ZNF565: variants seen among roughly 807,000 people sequenced by gnomAD.
ZNF565 encodes zinc finger protein 565.
In ZNF565, 27 loss-of-function variants were observed where a neutral mutation model predicts 39.4. The ratio of observed to expected loss-of-function variants is 0.69; its 90% CI spans 0.51 to 0.95. The LOEUF is 0.95. Ranked by LOEUF, ZNF565 falls within the 40% of genes least tolerant of loss-of-function variation. ZNF565 has a pLI of 0.00. For synonymous variants in ZNF565, 185 were observed against 216.6 expected, an observed-to-expected ratio of 0.85 and a Z score of 1.28; for missense variants, 524 against 621.1, an observed-to-expected ratio of 0.84 and a Z score of 1.66.
chr19:36,205,735 G>A (rs1976128006), intron 1 of ZNF565, among the ~76,000 whole-genome samples: 1 of 151,964 alleles, frequency 6.6e-6, no homozygotes, highest in Non-Finnish European at 1.5e-5. Flanking sequence ...GCACGAAGAG[G>A]GCCTGACCCA....
intron 3 of ZNF565, chr19:36,194,606 G>C: frequency 2.1e-6 from 1 of 473,444 alleles, no homozygotes; most frequent in East Asian, 3.8e-5. Context: ...ATTATGTGGA[G>C]TAAATGTGTG....
At chr19:36,234,087 CTT>C (rs1243766252) in intron 1 of ZNF565, among the ~76,000 whole-genome samples, 1 of 152,180 alleles carries the variant, frequency 6.6e-6, no homozygotes, top group East Asian at 1.9e-4. Flanking sequence ...GGTGATGACT[CTT>C]AAGGAGCATG....
upstream of ZNF565, among the ~76,000 whole-genome samples, chr19:36,215,492 A>G (rs1411355931): frequency 6.6e-6 from 1 of 152,100 alleles, no homozygotes; most frequent in Non-Finnish European, 1.5e-5. Flanking sequence ...TTTGAGCTGC[A>G]CTTCCCTTGT....
chr19:36,237,015 C>T (rs751966728), intron 1 of ZNF565: 2 of 1,614,194 alleles, frequency 1.2e-6, no homozygotes. Flanking sequence ...TGTGGAAAAG[C>T]CTTCTCTCAG....
At chr19:36,211,052 T>G (rs2145365190) in intron 1 of ZNF565, among the ~76,000 whole-genome samples, 1 of 150,232 alleles carries the variant, frequency 6.7e-6, no homozygotes, top group South Asian at 2.1e-4. Context: ...ATAAAAGAGA[T>G]TATAACCTAT....
intron 4 of ZNF565, among the ~76,000 whole-genome samples, chr19:36,189,352 C>T (rs1317223367): frequency 6.0e-5 from 9 of 150,594 alleles, no homozygotes; most frequent in South Asian, 2.1e-4. Context: ...CTCGCTCTGT[C>T]GCCCAGGCTG....
intron 1 of ZNF565, among the ~76,000 whole-genome samples, chr19:36,206,131 T>G (rs1441189617): frequency 6.6e-6 from 1 of 152,026 alleles, no homozygotes; most frequent in African/African-American, 2.4e-5. Flanking sequence ...TCTGCTAATG[T>G]TTGTAACTTT....
intron 1 of ZNF565, among the ~76,000 whole-genome samples, chr19:36,220,563 A>G (rs1976792896): frequency 6.6e-6 from 1 of 151,962 alleles, no homozygotes; most frequent in African/African-American, 2.4e-5. Flanking sequence ...ATGGGGTTTC[A>G]CCGTGTTAGC....
At chr19:36,198,762 C>G (rs1975854659) in intron 2 of ZNF565, among the ~76,000 whole-genome samples, 1 of 152,076 alleles carries the variant, frequency 6.6e-6, no homozygotes, top group Admixed American at 6.6e-5. Flanking sequence ...CCACGCCCAG[C>G]TAATTTTTGT....
chr19:36,236,891 A>G (rs1977663107), intron 1 of ZNF565: 1 of 1,614,072 alleles, frequency 6.2e-7, no homozygotes, highest in African/African-American at 1.3e-5. Flanking sequence ...GAAAATCCAT[A>G]TTGGAGAGAA....
chr19:36,189,368 G>A (rs551110534), intron 4 of ZNF565, among the ~76,000 whole-genome samples: 4 of 151,336 alleles, frequency 2.6e-5, no homozygotes, highest in Non-Finnish European at 4.4e-5. Context: ...GGCTGGGAGC[G>A]CAGTGGTGTG....
intron 1 of ZNF565, among the ~76,000 whole-genome samples, chr19:36,212,520 G>T (rs1976398644): frequency 6.6e-6 from 1 of 151,998 alleles, no homozygotes; most frequent in African/African-American, 2.4e-5. Context: ...TTCTCAGGAG[G>T]CTGACGCAGG....
intron 4 of ZNF565, among the ~76,000 whole-genome samples, chr19:36,186,410 T>G (rs1262896209): frequency 1.3e-5 from 2 of 152,184 alleles, no homozygotes; most frequent in East Asian, 3.8e-4. Flanking sequence ...AGATTTTCAT[T>G]TACATATTCA....
intron 1 of ZNF565, among the ~76,000 whole-genome samples, chr19:36,240,284 T>A (rs761821594): frequency 6.6e-6 from 1 of 152,240 alleles, no homozygotes; most frequent in African/African-American, 2.4e-5. Context: ...TAGCTAGGCA[T>A]GTGCCACACA....
At chr19:36,231,219 C>CT (rs1195773036) in intron 1 of ZNF565, among the ~76,000 whole-genome samples, 3 of 151,546 alleles carry the variant, frequency 2.0e-5, no homozygotes, top group African/African-American at 4.9e-5. Flanking sequence ...AAAAGTTCTT[C>CT]TTTTTTTTGA....
At chr19:36,201,328 G>A (rs1568419084) in intron 2 of ZNF565, among the ~76,000 whole-genome samples, 1 of 151,996 alleles carries the variant, frequency 6.6e-6, no homozygotes, top group Non-Finnish European at 1.5e-5. Flanking sequence ...CAAAAACACA[G>A]AAGAAAGAAA....
upstream of ZNF565, among the ~76,000 whole-genome samples, chr19:36,215,489 T>C (rs952018392): frequency 1.3e-5 from 2 of 152,122 alleles, no homozygotes; most frequent in Non-Finnish European, 2.9e-5. Flanking sequence ...ACGTTTGAGC[T>C]GCACTTCCCT....
intron 2 of ZNF565, among the ~76,000 whole-genome samples, chr19:36,198,509 G>A (rs1975844337): frequency 6.6e-6 from 1 of 152,176 alleles, no homozygotes; most frequent in Admixed American, 6.6e-5. Flanking sequence ...TGAGTGGGAG[G>A]TGGGGATGGT....
chr19:36,233,655 G>A (rs1181077649), intron 1 of ZNF565, among the ~76,000 whole-genome samples: 1 of 152,078 alleles, frequency 6.6e-6, no homozygotes, highest in African/African-American at 2.4e-5. Context: ...TCATAAACAA[G>A]GTAAAGAAAA....
Sources: allele counts gnomAD v4.1 joint callset (sites outside exome capture counted in the v4.1 genomes callset), GRCh38; gene constraint gnomAD v4.1.1; transcripts MANE v1.5; gene names NCBI Gene and HGNC (gene_info 2026-07-23, HGNC 2026-07-21).